Variants in EPHA3 observed in about 807,000 individuals in gnomAD.
EPHA3 encodes the protein EPH receptor A3, also known as ephrin type-A receptor 3.
In EPHA3, 42 loss-of-function variants were observed where a neutral mutation model predicts 107.1. The ratio of observed to expected loss-of-function variants is 0.39; its 90% CI spans 0.31 to 0.51. EPHA3 has a LOEUF of 0.51. EPHA3 is among the 20% of genes least tolerant of loss of function. The pLI is 0.78. For synonymous variants in EPHA3, 461 were observed against 424.8 expected (o/e 1.09, Z -1.05); for missense variants, 1,183 against 1,211.2 (o/e 0.98, Z 0.35).
In EPHA3 at chr3:89,368,813, G is replaced by GA. The variant is rs1212524554; in HGVS notation, c.1306+26729dup. On this transcript the variant is annotated intron_variant, in intron 5 of 16. Transcript: ENST00000336596. The stretch of plus-strand genomic sequence containing the variant: ...AGAAACACCCCCATAGATTCACCCA[G>GA]AAAAAACAAAAAACAAAAAACAAAA... 5.4e-5 allele frequency among the ~76,000 whole-genome samples: 8 copies of GA among 149,522 alleles called. 1 individual carries two copies. Among genetic ancestry groups the GA allele is most frequent in the Non-Finnish European group, 1.0e-4 (7 of 66,870 alleles).
chr3:89,434,085 A>G (rs1156498236), intron 13 of EPHA3, among the ~76,000 whole-genome samples: 1 of 152,220 alleles, frequency 6.6e-6, no homozygotes, highest in Non-Finnish European at 1.5e-5. Flanking sequence ...GTGTTACAAC[A>G]ATCATATTAT....
intron 2 of EPHA3, among the ~76,000 whole-genome samples, chr3:89,148,745 CA>C (rs1704625327): frequency 1.3e-5 from 2 of 151,922 alleles, no homozygotes; most frequent in Non-Finnish European, 2.9e-5. Flanking sequence ...TTCTGTTTAT[CA>C]TGTCACTTAT....
intron 3 of EPHA3, among the ~76,000 whole-genome samples, chr3:89,285,413 T>C (rs1420471535): frequency 1.3e-5 from 2 of 152,194 alleles, no homozygotes; most frequent in Admixed American, 6.5e-5. Flanking sequence ...CTGGTATTAT[T>C]TATACCCTAA....
At chr3:89,271,583 CA>C (rs983893009) in intron 3 of EPHA3, among the ~76,000 whole-genome samples, 10 of 151,766 alleles carry the variant, frequency 6.6e-5, no homozygotes, top group African/African-American at 2.2e-4. Context: ...GTATGTAAAA[CA>C]AAACGTATAC....
intron 3 of EPHA3, among the ~76,000 whole-genome samples, chr3:89,255,951 C>T (rs187091441): frequency 1.4e-4 from 22 of 151,812 alleles, no homozygotes; most frequent in East Asian, 9.7e-4. Context: ...AGGCCGGGTG[C>T]GGTGGCTTAC....
chr3:89,196,071 G>A (rs1407778158), intron 2 of EPHA3, among the ~76,000 whole-genome samples: 1 of 151,722 alleles, frequency 6.6e-6, no homozygotes, highest in Non-Finnish European at 1.5e-5. Context: ...CTCCTCTGAG[G>A]ACATACAAGA....
chr3:89,403,781 C>T (rs1336175887), intron 7 of EPHA3, among the ~76,000 whole-genome samples: 3 of 152,020 alleles, frequency 2.0e-5, no homozygotes, highest in Non-Finnish European at 4.4e-5. Flanking sequence ...TTCAAGTCTC[C>T]GTGTCTCAGT....
intron 3 of EPHA3, among the ~76,000 whole-genome samples, chr3:89,304,906 T>A (rs1169400224): frequency 6.6e-6 from 1 of 152,164 alleles, no homozygotes; most frequent in African/African-American, 2.4e-5. Flanking sequence ...CAATACATAT[T>A]TAAGGAATTT....
At chr3:89,203,911 AAC>A (rs1706036927) in intron 2 of EPHA3, among the ~76,000 whole-genome samples, 1 of 152,154 alleles carries the variant, frequency 6.6e-6, no homozygotes, top group Admixed American at 6.5e-5. Context: ...AGAGAAGAAA[AAC>A]ACAGACATCT....
chr3:89,321,678 A>T (rs947691760), intron 3 of EPHA3, among the ~76,000 whole-genome samples: 1 of 152,144 alleles, frequency 6.6e-6, no homozygotes, highest in Non-Finnish European at 1.5e-5. Context: ...ACAAAAGAGC[A>T]TATTTAGAAT....
intron 2 of EPHA3, among the ~76,000 whole-genome samples, chr3:89,143,533 G>C (rs1704475224): frequency 6.6e-6 from 1 of 151,446 alleles, no homozygotes; most frequent in African/African-American, 2.4e-5. Flanking sequence ...TATAGTGGTT[G>C]GAAATTTCAT....
chr3:89,415,867 A>G (rs1709237072), intron 10 of EPHA3, among the ~76,000 whole-genome samples: 1 of 151,550 alleles, frequency 6.6e-6, no homozygotes, highest in South Asian at 2.1e-4. Context: ...GAATTTGAAT[A>G]GACTTGTTTG....
chr3:89,145,749 C>T (rs1249273650), intron 2 of EPHA3, among the ~76,000 whole-genome samples: 3 of 151,604 alleles, frequency 2.0e-5, no homozygotes, highest in Non-Finnish European at 3.0e-5. Flanking sequence ...CAGTATTTAT[C>T]GTTTCCTGAG....
At chr3:89,345,513 AC>A (rs908848599) in intron 5 of EPHA3, among the ~76,000 whole-genome samples, 5 of 149,432 alleles carry the variant, frequency 3.3e-5, no homozygotes, top group African/African-American at 7.4e-5. Flanking sequence ...TATCCGTCCC[AC>A]CCCCATCTCT....
chr3:89,235,944 A>G (rs1216052463), intron 3 of EPHA3, among the ~76,000 whole-genome samples: 2 of 152,074 alleles, frequency 1.3e-5, no homozygotes, highest in African/African-American at 4.8e-5. Context: ...CCCCCCACAA[A>G]GCAAACATAT....
intron 2 of EPHA3, among the ~76,000 whole-genome samples, chr3:89,155,215 G>A (rs1449605949): frequency 6.6e-6 from 1 of 151,760 alleles, no homozygotes; most frequent in Non-Finnish European, 1.5e-5. Context: ...TAATGATCTT[G>A]TACATTTTTT....
intron 9 of EPHA3, among the ~76,000 whole-genome samples, chr3:89,411,842 G>A (rs997904108): frequency 1.3e-5 from 2 of 151,828 alleles, no homozygotes; most frequent in African/African-American, 2.4e-5. Flanking sequence ...ATTGGTTCAC[G>A]CAGGGTGTTC....
intron 2 of EPHA3, among the ~76,000 whole-genome samples, chr3:89,160,080 A>G (rs1704896951): frequency 1.3e-5 from 2 of 152,144 alleles, no homozygotes; most frequent in African/African-American, 4.8e-5. Context: ...AAAGCAGTAT[A>G]CCAAAGAGTT....
chr3:89,281,657 T>G (rs1373099789), intron 3 of EPHA3, among the ~76,000 whole-genome samples: 2 of 152,194 alleles, frequency 1.3e-5, no homozygotes, highest in African/African-American at 4.8e-5. Context: ...TAAAAAGTAA[T>G]GTTTTCAAGA....
Sources: gnomAD v4.1 joint callset for allele counts (sites outside exome capture counted in the v4.1 genomes callset) on GRCh38, gnomAD v4.1.1 for gene constraint, MANE v1.5 for transcripts, NCBI Gene and HGNC (gene_info 2026-07-23, HGNC 2026-07-21) for gene names.